Variants in CDKAL1 observed in about 807,000 individuals in gnomAD.
CDKAL1 encodes the protein CDKAL1 threonylcarbamoyladenosine tRNA methylthiotransferase.
Under a neutral mutation model 68.2 loss-of-function variants are expected in CDKAL1, and 32 were observed. The observed-to-expected ratio is 0.47, with a 90% CI of 0.35 to 0.63. The LOEUF (loss-of-function observed/expected upper bound fraction) is 0.63. Among genes scored for constraint, CDKAL1 ranks in the 30% least tolerant of loss-of-function variants. The pLI is 0.00. For missense variants in CDKAL1, 606 were observed against 696.7 expected, an observed-to-expected ratio of 0.87 and a Z score of 1.47; for synonymous variants, 234 against 244.3, an observed-to-expected ratio of 0.96 and a Z score of 0.39.
chr6:20,833,671 T>C (rs1777814123), intron 8 of CDKAL1, among the ~76,000 whole-genome samples: 1 of 152,210 alleles, frequency 6.6e-6, no homozygotes, highest in Non-Finnish European at 1.5e-5. Context: ...TGGTCATTCT[T>C]TCATAATCCA....
intron 6 of CDKAL1, chr6:20,756,570 C>T (rs991617101): frequency 2.0e-5 from 3 of 152,106 alleles, no homozygotes; most frequent in African/African-American, 7.2e-5. Context: ...CCTAATGGTT[C>T]CATTGTTTCC....
intron 5 of CDKAL1, among the ~76,000 whole-genome samples, chr6:20,716,283 G>A (rs567281484): frequency 6.6e-6 from 1 of 152,196 alleles, no homozygotes; most frequent in Non-Finnish European, 1.5e-5. Flanking sequence ...GAGGTCAAAT[G>A]GGGCCTATTT....
intron 9 of CDKAL1, among the ~76,000 whole-genome samples, chr6:20,878,337 C>T (rs1760637873): frequency 6.6e-6 from 1 of 152,200 alleles, no homozygotes; most frequent in African/African-American, 2.4e-5. Context: ...TCTCCCCTCG[C>T]CCATAGGCTT....
At chr6:20,969,511 A>G (rs1765487611) in intron 10 of CDKAL1, among the ~76,000 whole-genome samples, 1 of 152,220 alleles carries the variant, frequency 6.6e-6, no homozygotes, top group Admixed American at 6.5e-5. Flanking sequence ...GTGAATGCAC[A>G]CAGTACAAAC....
chr6:20,659,255 AATAATACT>A (rs1467314155), intron 5 of CDKAL1, among the ~76,000 whole-genome samples: 1 of 152,206 alleles, frequency 6.6e-6, no homozygotes, highest in Non-Finnish European at 1.5e-5. Context: ...TTATACTTTA[AATAATACT>A]ATAGTTTGTT....
At chr6:21,079,067 G>T (rs1361625141) in intron 12 of CDKAL1, among the ~76,000 whole-genome samples, 1 of 152,138 alleles carries the variant, frequency 6.6e-6, no homozygotes, top group East Asian at 1.9e-4. Flanking sequence ...GGCTGTTACA[G>T]GGGCGGCGTG....
rs1777356296 is a variant in CDKAL1 at position 21,170,901 on chromosome 6, G to A, written c.1300-27120G>A. On this transcript the variant is annotated intron_variant, in intron 13 of 15. Coordinates refer to ENST00000274695, the MANE Select transcript of CDKAL1 (RefSeq NM_017774.3). ...CTGTTTACAGCCCTGTCATTAATCAGCAGTATTTTTAAATTATCTTAATAC... is the reference window on the plus strand; with the variant it reads ...CTGTTTACAGCCCTGTCATTAATCAACAGTATTTTTAAATTATCTTAATAC... 2.6e-5 allele frequency among the ~76,000 whole-genome samples: 4 copies of A among 152,106 alleles called. No individual in the cohort carries two copies. In the South Asian group the frequency reaches 8.3e-4, roughly 32 times the overall value.
chr6:20,674,881 GC>G (rs1168666237), intron 5 of CDKAL1, among the ~76,000 whole-genome samples: 1 of 152,142 alleles, frequency 6.6e-6, no homozygotes, highest in African/African-American at 2.4e-5. Flanking sequence ...ATCCATGTAT[GC>G]CTAATTGCTC....
chr6:20,607,080 A>G (rs570386395), intron 4 of CDKAL1, among the ~76,000 whole-genome samples: 1 of 152,204 alleles, frequency 6.6e-6, no homozygotes, highest in Non-Finnish European at 1.5e-5. Context: ...AAGTATTAAC[A>G]CCTCATCACA....
chr6:20,731,887 A>G (rs1376075426), intron 5 of CDKAL1, among the ~76,000 whole-genome samples: 4 of 152,268 alleles, frequency 2.6e-5, no homozygotes, highest in Admixed American at 6.5e-5. Context: ...CCATCAGACC[A>G]TAGCCAACAG....
chr6:21,011,100 C>T (rs943471431), intron 11 of CDKAL1, among the ~76,000 whole-genome samples: 6 of 135,390 alleles, frequency 4.4e-5, no homozygotes, highest in Admixed American at 3.1e-4. Flanking sequence ...AAAAAAAAGC[C>T]AGGCACGGTG....
Position 21,118,484 on chromosome 6 carries a change from AT to A in CDKAL1, c.1299+10024del, listed in dbSNP as rs1449897038. ...CACAGATTCAGGGTTGCACAAAACC[AT>A]TTCCAGATTTCTGTTTACAAAGAAT... is the stretch of plus-strand genomic sequence containing the variant. On this transcript the variant is annotated intron_variant, in intron 13 of 15. Coordinates refer to ENST00000274695, the MANE Select transcript of CDKAL1 (RefSeq NM_017774.3). Among the ~76,000 whole-genome samples, 13 of 152,348 alleles carry A rather than the reference AT, an allele frequency of 8.5e-5. No individual in the cohort carries two copies. In the South Asian group the frequency reaches 1.7e-3, roughly 19 times the overall value.
chr6:20,916,395 A>T (rs1441018527), intron 9 of CDKAL1, among the ~76,000 whole-genome samples: 12 of 152,212 alleles, frequency 7.9e-5, no homozygotes, highest in Admixed American at 7.9e-4. Flanking sequence ...GGAAGGATGG[A>T]GGAAGAATTG....
chr6:20,901,024 C>T (rs1280934336), intron 9 of CDKAL1, among the ~76,000 whole-genome samples: 1 of 152,060 alleles, frequency 6.6e-6, no homozygotes, highest in Non-Finnish European at 1.5e-5. Context: ...CATTGGAGCT[C>T]ATGTATTATT....
chr6:20,933,629 C>T (rs1215989124), intron 9 of CDKAL1, among the ~76,000 whole-genome samples: 2 of 152,140 alleles, frequency 1.3e-5, no homozygotes, highest in Non-Finnish European at 2.9e-5. Context: ...GTAATTAAAT[C>T]CATGTGAAGC....
intron 5 of CDKAL1, among the ~76,000 whole-genome samples, chr6:20,674,943 T>C (rs1278211946): frequency 6.6e-6 from 1 of 152,236 alleles, no homozygotes; most frequent in South Asian, 2.1e-4. Context: ...GGGAGTTTTG[T>C]TGAAAGCATT....
chr6:21,217,016 T>A (rs1198913544), intron 15 of CDKAL1, among the ~76,000 whole-genome samples: 3 of 151,586 alleles, frequency 2.0e-5, no homozygotes, highest in Non-Finnish European at 4.4e-5. Context: ...GTGTTCTGGA[T>A]CCTCCACATT....
At chr6:20,887,764 T>C (rs995765872) in intron 9 of CDKAL1, among the ~76,000 whole-genome samples, 3 of 146,648 alleles carry the variant, frequency 2.0e-5, no homozygotes, top group African/African-American at 7.5e-5. Flanking sequence ...TCGCTTAAGA[T>C]CTTTCCTTTT....
intron 4 of CDKAL1, among the ~76,000 whole-genome samples, chr6:20,633,884 G>A (rs942426406): frequency 1.3e-5 from 2 of 152,134 alleles, no homozygotes; most frequent in African/African-American, 4.8e-5. Flanking sequence ...TTTTGTTATT[G>A]AGTTGTGATA....
Sources: allele counts gnomAD v4.1 joint callset (sites outside exome capture counted in the v4.1 genomes callset), GRCh38; gene constraint gnomAD v4.1.1; transcripts MANE v1.5; gene names NCBI Gene and HGNC (gene_info 2026-07-23, HGNC 2026-07-21).